ANKRD11: variants seen among roughly 807,000 people sequenced by gnomAD.
The protein encoded by ANKRD11 is ankyrin repeat domain-containing protein 11.
Under a neutral mutation model 195.7 loss-of-function variants are expected in ANKRD11, and 17 were observed. The ratio of observed to expected loss-of-function variants is 0.09; its 90% CI spans 0.06 to 0.13. The LOEUF (loss-of-function observed/expected upper bound fraction) is 0.13, where lower values mean the gene tolerates loss of function less well. Among genes scored for constraint, ANKRD11 ranks in the 10% least tolerant of loss-of-function variants. The pLI is 1.00. For synonymous variants in ANKRD11, 1,953 were observed against 1,528.1 expected (o/e 1.28, Z -6.49); for missense variants, 3,735 against 3,566.1 (o/e 1.05, Z -1.21).
At chr16:89,451,939 G>A (rs980680264) in intron 1 of ANKRD11, among the ~76,000 whole-genome samples, 3 of 152,078 alleles carry the variant, frequency 2.0e-5, no homozygotes, top group African/African-American at 4.8e-5. Flanking sequence ...GTGTCTAGAC[G>A]TTCAAAATTT....
chr16:89,382,988 G>A (rs1213902896), intron 2 of ANKRD11, among the ~76,000 whole-genome samples: 5 of 152,198 alleles, frequency 3.3e-5, no homozygotes, highest in Admixed American at 1.3e-4. Flanking sequence ...TTACAGGCGT[G>A]AGCCACCGTG....
Position 89,379,915 on chromosome 16 carries a change from C to T in ANKRD11, c.-60+38369G>A, listed in dbSNP as rs576793057. ...AGAAATACATGGCTGCAGACACTGA[C>T]CTTTTCAGTTTTCCAATCATCATTT... On this transcript the variant is annotated intron_variant, in intron 2 of 12. Transcript: ENST00000301030. Among the ~76,000 whole-genome samples the T allele has an allele frequency of 1.8e-4, 28 of 152,228 alleles. No homozygotes were observed. In the South Asian group the frequency reaches 5.2e-3, roughly 28 times the overall value.
chr16:89,405,813 AG>A (rs1357257359), intron 2 of ANKRD11, among the ~76,000 whole-genome samples: 1 of 152,118 alleles, frequency 6.6e-6, no homozygotes, highest in Non-Finnish European at 1.5e-5. Context: ...CTCCTCACAA[AG>A]GATGCACTGC....
intron 2 of ANKRD11, among the ~76,000 whole-genome samples, chr16:89,333,322 C>A (rs527666515): frequency 6.6e-6 from 1 of 152,202 alleles, no homozygotes; most frequent in Admixed American, 6.5e-5. Context: ...GCTCAGCATC[C>A]CCACGAGAGT....
At chr16:89,333,884 G>T (rs2038194943) in intron 2 of ANKRD11, among the ~76,000 whole-genome samples, 1 of 152,120 alleles carries the variant, frequency 6.6e-6, no homozygotes, top group Non-Finnish European at 1.5e-5. Context: ...CCCAGTATGT[G>T]GGCGTGTGTT....
intron 2 of ANKRD11, among the ~76,000 whole-genome samples, chr16:89,404,911 A>C (rs1219557611): frequency 1.3e-5 from 2 of 152,252 alleles, no homozygotes; most frequent in African/African-American, 4.8e-5. Context: ...CTTTACAGTA[A>C]AGTGAACTCG....
rs75629150 is a variant in ANKRD11 at position 89,280,167 on chromosome 16, G to A, written c.6375C>T (p.Ala2125=). 807 of 1,609,540 alleles carry A rather than the reference G, an allele frequency of 5.0e-4. 4 individuals are homozygous for A. The East Asian group carries it at 0.013, about 26-fold the overall frequency. ...CCAGGTCCAGGTCGTCCTCGGGGCC[G>A]GCGAAGGCGTCCGCCCAGGGCACCG... ...VEPVPWADAF[A]GPEDDLDLGP... is the part of the protein sequence containing the mutation. Residue 2125 remains alanine, a synonymous_variant, in exon 9 of 13, where the codon GCC becomes GCT. Transcript: ENST00000301030.
intron 7 of ANKRD11, chr16:89,286,927 A>C: frequency 7.8e-7 from 1 of 1,289,698 alleles, no homozygotes; most frequent in Non-Finnish European, 1.0e-6. Flanking sequence ...CGTTTACTAT[A>C]GACTCTTGTC....
chr16:89,314,628 T>C (rs777569228), intron 3 of ANKRD11, among the ~76,000 whole-genome samples: 15 of 152,052 alleles, frequency 9.9e-5, no homozygotes, highest in Non-Finnish European at 1.6e-4. Flanking sequence ...TGCTGGTGTG[T>C]CAAGCGGCTC....
At chr16:89,485,474 A>G (rs2057581413) in intron 1 of ANKRD11, among the ~76,000 whole-genome samples, 1 of 152,192 alleles carries the variant, frequency 6.6e-6, no homozygotes, top group Non-Finnish European at 1.5e-5. Context: ...AGCCTAGGTG[A>G]CAGAGACTCT....
intron 7 of ANKRD11, chr16:89,287,187 C>A: frequency 9.8e-7 from 1 of 1,021,604 alleles, no homozygotes; most frequent in Non-Finnish European, 1.3e-6. Context: ...GGCCACCACA[C>A]TCCTCGGCCC....
intron 2 of ANKRD11, among the ~76,000 whole-genome samples, chr16:89,343,460 G>C (rs1326873747): frequency 6.6e-6 from 1 of 152,170 alleles, no homozygotes; most frequent in African/African-American, 2.4e-5. Flanking sequence ...TAAAAGCCAG[G>C]GTACACAGGT....
At chr16:89,345,672 G>T (rs894296572) in intron 2 of ANKRD11, among the ~76,000 whole-genome samples, 3 of 152,230 alleles carry the variant, frequency 2.0e-5, no homozygotes, top group African/African-American at 7.2e-5. Context: ...AGATTGGAAT[G>T]GAAAAAGTAA....
chr16:89,367,297 C>G (rs1050118462), intron 2 of ANKRD11, among the ~76,000 whole-genome samples: 1 of 152,246 alleles, frequency 6.6e-6, no homozygotes, highest in African/African-American at 2.4e-5. Context: ...GGGGCCAGTG[C>G]TGGCCCAGCA....
At chr16:89,286,296 C>G in intron 7 of ANKRD11, 110 bp from the exon 8 acceptor site, 4 of 1,471,708 alleles carry the variant, frequency 2.7e-6, no homozygotes, top group Non-Finnish European at 3.7e-6. Flanking sequence ...GACCCGAGAG[C>G]AGCCCCTCAC....
chr16:89,363,543 T>C (rs2039822128), intron 2 of ANKRD11, among the ~76,000 whole-genome samples: 1 of 152,070 alleles, frequency 6.6e-6, no homozygotes, highest in South Asian at 2.1e-4. Flanking sequence ...AAAAAAACCT[T>C]ACATAGTTCA....
chr16:89,477,134 T>C (rs1331098229), intron 1 of ANKRD11, among the ~76,000 whole-genome samples: 1 of 152,082 alleles, frequency 6.6e-6, no homozygotes. Flanking sequence ...TAGTTAAATT[T>C]ATATCTCAGA....
chr16:89,390,230 C>A (rs1433610993), intron 2 of ANKRD11, among the ~76,000 whole-genome samples: 6 of 75,792 alleles, frequency 7.9e-5, no homozygotes, highest in South Asian at 4.9e-4. Flanking sequence ...CGGGGAGCAC[C>A]GAGAGAGAAG....
chr16:89,391,084 C>T (rs2041172189), intron 2 of ANKRD11, among the ~76,000 whole-genome samples: 2 of 152,004 alleles, frequency 1.3e-5, no homozygotes, highest in African/African-American at 4.8e-5. Flanking sequence ...AAAAATTAGC[C>T]GGGCGCGGTG....
Sources: allele counts gnomAD v4.1 joint callset (sites outside exome capture counted in the v4.1 genomes callset), GRCh38; gene constraint gnomAD v4.1.1; transcripts MANE v1.5; gene names NCBI Gene and HGNC (gene_info 2026-07-23, HGNC 2026-07-21).